ZNF638: variants seen among roughly 807,000 people sequenced by gnomAD.
ZNF638 encodes CTCL tumor antigen se33-1.
In ZNF638, 46 loss-of-function variants were observed where a neutral mutation model predicts 195.6. The ratio of observed to expected loss-of-function variants is 0.24; its 90% CI spans 0.19 to 0.30. ZNF638 has a LOEUF of 0.30. Ranked by LOEUF, ZNF638 falls within the 10% of genes least tolerant of loss-of-function variation. The pLI, the probability that ZNF638 is intolerant of heterozygous loss-of-function variation, is 1.00. For synonymous variants in ZNF638, 845 were observed against 772.0 expected (o/e 1.09, Z -1.57); for missense variants, 2,440 against 2,325.3 (o/e 1.05, Z -1.01).
intron 10 of ZNF638, among the ~76,000 whole-genome samples, chr2:71,390,591 C>T (rs963197689): frequency 6.6e-6 from 1 of 152,080 alleles, no homozygotes; most frequent in Admixed American, 6.6e-5. Flanking sequence ...GTCCCCAATG[C>T]CCAGGGAAAG....
Position 71,368,366 on chromosome 2 carries a change from T to G in ZNF638, c.1996-16T>G, listed in dbSNP as rs1389809376. 31 of 1,599,730 alleles carry G rather than the reference T, an allele frequency of 1.9e-5. No individual in the cohort carries two copies. Among genetic ancestry groups the G allele is most frequent in the Non-Finnish European group, 2.6e-5 (30 of 1,175,274 alleles). On this transcript the variant is annotated splice_polypyrimidine_tract_variant and intron_variant, in intron 6 of 27. Transcript: ENST00000264447. ...TAATTTGGTTTATTTTAAATTTTCT[T>G]TCACTCCAAAAATAGCTTCGGAAAG... is the stretch of plus-strand genomic sequence containing the variant.
At chr2:71,420,652 A>G (rs1009767346) in intron 21 of ZNF638, among the ~76,000 whole-genome samples, 2 of 152,198 alleles carry the variant, frequency 1.3e-5, no homozygotes, top group African/African-American at 4.8e-5. Context: ...CTGTATCTCA[A>G]ATGCCTTTCT....
At chr2:71,376,453 A>G (rs2079427273) in intron 8 of ZNF638, 1 of 152,154 alleles carries the variant, frequency 6.6e-6, no homozygotes, top group African/African-American at 2.4e-5. Context: ...GGAAGGGGCA[A>G]TCTTTTTGGC....
chr2:71,382,692 A>C (rs1215722106), intron 10 of ZNF638, among the ~76,000 whole-genome samples: 2 of 152,250 alleles, frequency 1.3e-5, no homozygotes, highest in African/African-American at 4.8e-5. Flanking sequence ...GTCCCCAGAC[A>C]GTTTACATTT....
At chr2:71,387,523 T>C (rs1033611283) in intron 10 of ZNF638, among the ~76,000 whole-genome samples, 1 of 151,860 alleles carries the variant, frequency 6.6e-6, no homozygotes, top group African/African-American at 2.4e-5. Context: ...ATACAAAAAT[T>C]AGCTGGGTGT....
intron 1 of ZNF638, among the ~76,000 whole-genome samples, chr2:71,346,622 A>G (rs1404422072): frequency 6.6e-6 from 1 of 152,224 alleles, no homozygotes; most frequent in Non-Finnish European, 1.5e-5. Flanking sequence ...GATAAGACTT[A>G]GCCATGAACA....
chr2:71,407,890 C>T (rs563805486), intron 19 of ZNF638: 4 of 363,706 alleles, frequency 1.1e-5, no homozygotes, highest in South Asian at 5.8e-5. Context: ...TTCTGTTTTA[C>T]GCATGTAACA....
Position 71,349,352 on chromosome 2 carries a change from G to A in ZNF638, c.398G>A (p.Ser133Asn), listed in dbSNP as rs2078904816. 6.2e-7 allele frequency: 1 copy of A among 1,614,128 alleles called. No individual in the cohort carries two copies. Among genetic ancestry groups the A allele is most frequent in the Non-Finnish European group, 8.5e-7 (1 of 1,180,024 alleles). Residue 133 changes from serine to asparagine, a missense_variant, in exon 2 of 28, where the codon AGC becomes AAC. Physicochemically the swap from Ser to Asn is conservative, Grantham distance 46 (BLOSUM62 1). Transcript: ENST00000264447. ...QVTEQSPKVQ[S>N]RYTKESASSI... ...ACAGAGCAGAGTCCCAAAGTACAGAGCCGCTATACAAAAGAGAGTGCCTCA... is the reference window on the plus strand; with the variant it reads ...ACAGAGCAGAGTCCCAAAGTACAGAACCGCTATACAAAAGAGAGTGCCTCA...
At chr2:71,354,021 T>A (rs1474714986) in intron 2 of ZNF638, among the ~76,000 whole-genome samples, 3 of 152,250 alleles carry the variant, frequency 2.0e-5, no homozygotes, top group African/African-American at 7.2e-5. Flanking sequence ...GGATTTGTCA[T>A]ACCTTGTTGC....
At chr2:71,404,150 C>T (rs2080058596) in intron 17 of ZNF638, 152 bp downstream of exon 17, 3 of 698,216 alleles carry the variant, frequency 4.3e-6, no homozygotes, top group Admixed American at 2.7e-5. Flanking sequence ...ATCACCCAGT[C>T]ACCCATCCCA....
chr2:71,405,517 T>G (rs1424512669), intron 17 of ZNF638, 84 bp from the exon 18 acceptor site: 1 of 826,630 alleles, frequency 1.2e-6, no homozygotes, highest in African/African-American at 1.8e-5. Context: ...TTGTATAGAT[T>G]GTCATGTTAT....
chr2:71,395,725 G>A (rs920506138), intron 10 of ZNF638: 22 of 406,136 alleles, frequency 5.4e-5, no homozygotes, highest in African/African-American at 2.7e-4. Flanking sequence ...CTCTAAGGCC[G>A]AACAGTCCCC....
chr2:71,434,756 G>A lies in ZNF638; in HGVS notation c.5886G>A (p.Lys1962=), dbSNP rs1489186821. ...GCTTTTAACAGAAATTCATGGCCAAGCAAAGAAAGGAAAAGGAGCAGAATG... is the reference window on the plus strand; with the variant it reads ...GCTTTTAACAGAAATTCATGGCCAAACAAAGAAAGGAAAAGGAGCAGAATG... ...HKQNTEKFMA[K]QRKEKEQNEA... The change falls in exon 28 of 28, where the codon AAG becomes AAA. Residue 1962 remains lysine (K), a synonymous_variant. Transcript: ENST00000264447. 6.2e-7 allele frequency: 1 copy of A among 1,612,274 alleles called. No individual in the cohort carries two copies. Among genetic ancestry groups the A allele is most frequent in the Admixed American group, 1.7e-5 (1 of 59,702 alleles).
intron 1 of ZNF638, among the ~76,000 whole-genome samples, 168 bp downstream of exon 1, chr2:71,332,043 C>A (rs548277684): frequency 1.3e-5 from 2 of 152,292 alleles, no homozygotes; most frequent in Non-Finnish European, 2.9e-5. Flanking sequence ...GGTTGGGGGA[C>A]CCCCGGGATG....
At chr2:71,409,690 C>A (rs892066666) in intron 20 of ZNF638, among the ~76,000 whole-genome samples, 1 of 152,102 alleles carries the variant, frequency 6.6e-6, no homozygotes, top group African/African-American at 2.4e-5. Flanking sequence ...AAATGACAGT[C>A]TTCATGTTAC....
intron 23 of ZNF638, among the ~76,000 whole-genome samples, chr2:71,425,006 A>T (rs1275445757): frequency 1.3e-5 from 2 of 152,152 alleles, no homozygotes; most frequent in African/African-American, 2.4e-5. Flanking sequence ...TCATATTGAC[A>T]GGAATAGGTT....
At chr2:71,388,860 G>A (rs1012241991) in intron 10 of ZNF638, 7 of 647,772 alleles carry the variant, frequency 1.1e-5, no homozygotes, top group Admixed American at 2.4e-5. Context: ...AGCTAGCAGA[G>A]CCTCGGTTTC....
chr2:71,400,508 C>T lies in ZNF638; in HGVS notation c.2687C>T (p.Pro896Leu), dbSNP rs2079985236. The change falls in exon 15 of 28, where the codon CCA (proline) becomes CTA (leucine). Residue 896 changes from proline to leucine, a missense_variant. Physicochemically the swap from Pro to Leu is moderately conservative, Grantham distance 98 (BLOSUM62 -3). Around this residue, in one of 5 missense-constraint regions of ZNF638, gnomAD observed 1,883 missense variants for 1,739.1 expected, o/e 1.08. Coordinates refer to ENST00000264447, the MANE Select transcript of ZNF638 (RefSeq NM_014497.5). ...DAALEATENE[P>L]LNKETEEMCV... ...GCTTTGGAGGCCACAGAGAATGAAC[C>T]ACTTAACAAGGTCAGTTTTCATGTT... is the stretch of plus-strand genomic sequence containing the variant. 13 of 1,601,604 alleles carry T rather than the reference C, an allele frequency of 8.1e-6. No individual in the cohort carries two copies. Among genetic ancestry groups the T allele is most frequent in the South Asian group, 1.1e-5 (1 of 88,526 alleles).
chr2:71,421,928 C>CT (rs1447912944), intron 21 of ZNF638, among the ~76,000 whole-genome samples: 9 of 152,060 alleles, frequency 5.9e-5, no homozygotes, highest in African/African-American at 2.2e-4. Context: ...GGTGAAAGTA[C>CT]TGGAATTATA....
Sources: allele counts gnomAD v4.1 joint callset (sites outside exome capture counted in the v4.1 genomes callset), GRCh38; gene constraint gnomAD v4.1.1; regional missense constraint gnomAD v4.1.1; transcripts MANE v1.5; gene names NCBI Gene and HGNC (gene_info 2026-07-23, HGNC 2026-07-21).